Variants in PCDHGA4 observed in about 807,000 individuals in gnomAD.
PCDHGA4 encodes the protein protocadherin gamma-A4.
Under a neutral mutation model 54.6 loss-of-function variants are expected in PCDHGA4, and 38 were observed. That is an observed-to-expected ratio of 0.70 (90% CI 0.54 to 0.91). The LOEUF (loss-of-function observed/expected upper bound fraction) is 0.91, where lower values mean the gene tolerates loss of function less well. Among genes scored for constraint, PCDHGA4 ranks in the 40% least tolerant of loss-of-function variants. The pLI is 0.00. For missense variants in PCDHGA4, 1,298 were observed against 1,220.9 expected, an observed-to-expected ratio of 1.06 and a Z score of -0.94; for synonymous variants, 511 against 512.9, an observed-to-expected ratio of 1.00 and a Z score of 0.05.
At chr5:141,505,015 A>G (rs965107997) in intron 2 of PCDHGA4, among the ~76,000 whole-genome samples, 1 of 152,160 alleles carries the variant, frequency 6.6e-6, no homozygotes, top group Admixed American at 6.5e-5. Flanking sequence ...TACAAAAATT[A>G]GCCTGGCACA....
intron 1 of PCDHGA4, chr5:141,410,024 G>A (rs771946302): frequency 1.9e-6 from 3 of 1,613,164 alleles, no homozygotes; most frequent in South Asian, 1.1e-5. Context: ...GTCCTACCAC[G>A]TGCTGCAGGC....
intron 1 of PCDHGA4, chr5:141,409,468 C>T (rs1256188577): frequency 1.9e-6 from 3 of 1,613,948 alleles, no homozygotes; most frequent in Admixed American, 1.7e-5. Flanking sequence ...ATGTCACCAT[C>T]GTAGCCACTG....
rs1167791830 is a variant in PCDHGA4 at position 141,420,032 on chromosome 5, G to A, written c.2514+62411G>A. 6.2e-7 allele frequency: 1 copy of A among 1,613,956 alleles called. No individual in the cohort carries two copies. Among genetic ancestry groups the A allele is most frequent in the Non-Finnish European group, 8.5e-7 (1 of 1,179,920 alleles). ...ACAGTCTTTCAGCCCTACTGCAGGA[G>A]ACTGCTTTGAGTCAGTTCTCTGCTC... On this transcript the variant is annotated intron_variant, in intron 1 of 3. Coordinates refer to ENST00000571252, the MANE Select transcript of PCDHGA4 (RefSeq NM_018917.4).
chr5:141,505,676 C>A (rs1308943385), intron 3 of PCDHGA4, among the ~76,000 whole-genome samples, 195 bp downstream of exon 3: 1 of 152,060 alleles, frequency 6.6e-6, no homozygotes, highest in South Asian at 2.1e-4. Context: ...GGTTGGGGGT[C>A]CTGGGATGCC....
chr5:141,501,891 T>G (rs2099811650), intron 2 of PCDHGA4, among the ~76,000 whole-genome samples: 1 of 152,128 alleles, frequency 6.6e-6, no homozygotes, highest in Admixed American at 6.5e-5. Context: ...CTGATCATCA[T>G]GGTTCCAACC....
Position 141,477,771 on chromosome 5 carries a change from G to A in PCDHGA4, c.2515-17036G>A. 1 of 1,613,992 alleles carries A rather than the reference G, an allele frequency of 6.2e-7. No homozygotes were observed. The highest frequency in any genetic ancestry group is 1.3e-5 in the African/African-American group (1 of 75,054). ...ACCCCGGTCCTAGCCACCAACATCA[G>A]CGTGAACATATTTGTCACTGATCGC... On this transcript the variant is annotated intron_variant, in intron 1 of 3. Transcript: ENST00000571252. This position sits in a 1 kb window ranked among gnomAD's most constrained non-coding sequence, Gnocchi z 4.9.
Position 141,485,752 on chromosome 5 carries a change from G to A in PCDHGA4, c.2515-9055G>A. 1 of 1,614,232 alleles carries A rather than the reference G, an allele frequency of 6.2e-7. No individual in the cohort carries two copies. Among genetic ancestry groups the A allele is most frequent in the Middle Eastern group, 1.6e-4 (1 of 6,062 alleles). ...GCAGCGACGGCAGCCTGGTCCCAGA[G>A]CTGCTCCTGGAGAAGCCTTTGGATC... On this transcript the variant is annotated intron_variant, in intron 1 of 3. Coordinates refer to ENST00000571252, the MANE Select transcript of PCDHGA4 (RefSeq NM_018917.4). This position sits in a 1 kb window ranked among gnomAD's most constrained non-coding sequence, Gnocchi z 5.7.
At chr5:141,372,053 C>G in intron 1 of PCDHGA4, 1 of 1,613,498 alleles carries the variant, frequency 6.2e-7, no homozygotes, top group South Asian at 1.1e-5. Flanking sequence ...TGTTGGTGGA[C>G]GACCGCAACG....
intron 1 of PCDHGA4, chr5:141,371,772 C>A (rs1169459102): frequency 6.2e-7 from 1 of 1,614,022 alleles, no homozygotes; most frequent in Admixed American, 1.7e-5. Context: ...CTACACCGTG[C>A]ATGTAGCTGA....
chr5:141,449,645 A>G (rs1331667429), intron 1 of PCDHGA4, among the ~76,000 whole-genome samples: 1 of 151,128 alleles, frequency 6.6e-6, no homozygotes, highest in African/African-American at 2.4e-5. Context: ...CTATATATAC[A>G]TATTTACATA....
intron 1 of PCDHGA4, among the ~76,000 whole-genome samples, chr5:141,467,397 TAGAA>T (rs1326936900): frequency 6.6e-6 from 1 of 152,106 alleles, no homozygotes; most frequent in Non-Finnish European, 1.5e-5. Flanking sequence ...AAGTCATAGT[TAGAA>T]AGCCTTTCCC....
chr5:141,484,000 G>C (rs1425172275), intron 1 of PCDHGA4, among the ~76,000 whole-genome samples: 1 of 147,812 alleles, frequency 6.8e-6, no homozygotes, highest in Admixed American at 6.8e-5. Context: ...TGGGAGGTCT[G>C]GATGAGGGTG....
chr5:141,367,552 A>ATAAATAAG (rs1765229761), intron 1 of PCDHGA4: 1 of 147,664 alleles, frequency 6.8e-6, no homozygotes, highest in South Asian at 2.1e-4. Context: ...AAATAAATAA[A>ATAAATAAG]TAAATAAATA....
intron 1 of PCDHGA4, among the ~76,000 whole-genome samples, chr5:141,484,419 A>G (rs978469951): frequency 1.3e-5 from 2 of 152,206 alleles, no homozygotes; most frequent in Non-Finnish European, 2.9e-5. Flanking sequence ...TCCTGTTACA[A>G]TGAGAACATG....
chr5:141,362,432 A>T, intron 1 of PCDHGA4: 1 of 1,613,924 alleles, frequency 6.2e-7, no homozygotes, highest in South Asian at 1.1e-5. Flanking sequence ...ACAGAGTTCA[A>T]TTTTCTGAAC....
intron 1 of PCDHGA4, chr5:141,371,150 A>G: frequency 1.2e-6 from 2 of 1,614,018 alleles, no homozygotes; most frequent in Non-Finnish European, 1.7e-6. Context: ...TCAATGTTGC[A>G]GAGAACCTGC....
chr5:141,481,427 T>C lies in PCDHGA4; in HGVS notation c.2515-13380T>C, dbSNP rs79272909. Reference sequence around the variant, plus strand: ...TTGTATAATTAGATTGTGATGATGATTGTATCAGTTTAGTACATGTAAATA... The same window carrying C: ...TTGTATAATTAGATTGTGATGATGACTGTATCAGTTTAGTACATGTAAATA... On this transcript the variant is annotated intron_variant, in intron 1 of 3. Transcript: ENST00000571252. Among the ~76,000 whole-genome samples the C allele has an allele frequency of 6.0e-3, 907 of 152,334 alleles. 5 individuals are homozygous for C. Among genetic ancestry groups the C allele is most frequent in the African/African-American group, 0.02 (840 of 41,578 alleles).
At position 141,490,003 on chromosome 5, in the gene PCDHGA4, G is replaced by A. The variant is rs2099694760; in HGVS notation, c.2515-4804G>A. On this transcript the variant is annotated intron_variant, in intron 1 of 3. Transcript: ENST00000571252. This position sits in a 1 kb window ranked among gnomAD's most constrained non-coding sequence, Gnocchi z 5.4. ...TCTACGTGTGGGAATCCCAGAGAAT[G>A]CACCCATTGGTACTCTGCTGCTCCG... 6.2e-7 allele frequency: 1 copy of A among 1,614,204 alleles called. No homozygotes were observed. Among genetic ancestry groups the A allele is most frequent in the Non-Finnish European group, 8.5e-7 (1 of 1,180,008 alleles).
rs367939205 is a variant in PCDHGA4 at position 141,383,529 on chromosome 5, G to A, written c.2514+25908G>A. ...GGGAGGAAGAGCGGGTTCACCACCT[G>A]GTCCTCACAGCCTCTGATGGCGGCG... On this transcript the variant is annotated intron_variant, in intron 1 of 3. Transcript: ENST00000571252. The A allele has an allele frequency of 3.0e-5, 48 of 1,612,474 alleles. No homozygotes were observed. The African/African-American group carries it at 5.7e-4, about 19-fold the overall frequency.
Sources: allele counts gnomAD v4.1 joint callset (sites outside exome capture counted in the v4.1 genomes callset), GRCh38; gene constraint gnomAD v4.1.1; non-coding constraint Gnocchi (gnomAD v3.1); transcripts MANE v1.5; gene names NCBI Gene and HGNC (gene_info 2026-07-23, HGNC 2026-07-21).